The following THBS3 variants were observed in gnomAD, a reference collection of about 807,000 sequenced individuals.
THBS3 encodes the protein thrombospondin 3.
Under a neutral mutation model 118.3 loss-of-function variants are expected in THBS3, and 78 were observed. That is an observed-to-expected ratio of 0.66 (90% CI 0.55 to 0.80). The LOEUF (loss-of-function observed/expected upper bound fraction) is 0.80. THBS3 is among the 30% of genes least tolerant of loss of function. The probability of loss-of-function intolerance (pLI) is 0.00; values close to 1 mark genes in which losing one functional copy is unlikely to be tolerated. For synonymous variants in THBS3, 427 were observed against 475.3 expected, an observed-to-expected ratio of 0.90 and a Z score of 1.32; for missense variants, 1,057 against 1,247.4, an observed-to-expected ratio of 0.85 and a Z score of 2.30.
At chr1:155,207,277 C>T (rs1258807362) in intron 1 of THBS3, among the ~76,000 whole-genome samples, 1 of 152,198 alleles carries the variant, frequency 6.6e-6, no homozygotes, top group Non-Finnish European at 1.5e-5. Flanking sequence ...TGTGTCCTGG[C>T]CAATCTGTGG....
chr1:155,198,167 C>G lies in THBS3; in HGVS notation c.2128G>C (p.Asp710His). 1.2e-6 allele frequency: 2 copies of G among 1,614,156 alleles called. No individual in the cohort carries two copies. The highest frequency in any genetic ancestry group is 1.1e-5 in the South Asian group (1 of 91,084). The change falls in exon 18 of 23, where the codon GAC becomes CAC. Residue 710 changes from aspartate to histidine, a missense_variant. Physicochemically the swap from Asp to His is moderately conservative, Grantham distance 81. This residue lies in a region of THBS3 where 307 missense variants were observed against 326.1 expected (regional missense o/e 0.94). Coordinates refer to ENST00000368378, the MANE Select transcript of THBS3 (RefSeq NM_007112.5). ...CTTTCAGGACACACATCCAGGGGGT[C>G]GACCACAGCATCATTGTCAAAGTCA... ...EDDFDNDAVV[D>H]PLDVCPESAE...
In THBS3 at chr1:155,195,625, A is replaced by C; in HGVS notation, c.*216T>G. 1.8e-6 allele frequency: 1 copy of C among 551,156 alleles called. No individual in the cohort carries two copies. The highest frequency in any genetic ancestry group is 3.3e-6 in the Non-Finnish European group (1 of 306,300). 34.1% of individuals were successfully genotyped at this position (551,156 alleles called of 1,614,324 possible). A position where few individuals can be genotyped will look rare whatever the true frequency, so the allele number is the denominator to read the frequency against. On this transcript the variant is annotated 3_prime_UTR_variant, in exon 23 of 23. Transcript: ENST00000368378. ...CAAAACTTTATGGCAATGTGCTGTC[A>C]TCTTTCCTGGGGTTAGTGCCTGAGT...
chr1:155,197,077 C>G lies in THBS3; in HGVS notation c.2636G>C (p.Trp879Ser). Reference protein sequence around the residue: ...VGWRDKTSYRWQLLHRPQVGY... With the variant: ...VGWRDKTSYRSQLLHRPQVGY... ...AACTTGAGGCCGGTGCAGAAGCTGC[C>G]AGCGATAGGAGGTCTTGTCCCGCCA... The change falls in exon 21 of 23, where the codon TGG (tryptophan) becomes TCG (serine). Residue 879 changes from tryptophan to serine, a missense_variant. Around this residue, in one of 3 missense-constraint regions of THBS3, gnomAD observed 307 missense variants for 326.1 expected, o/e 0.94. Coordinates refer to ENST00000368378, the MANE Select transcript of THBS3 (RefSeq NM_007112.5). This position sits in a 1 kb window ranked among gnomAD's most constrained non-coding sequence, Gnocchi z 5.0. 1 of 1,614,116 alleles carries G rather than the reference C, an allele frequency of 6.2e-7. No homozygotes were observed. The highest frequency in any genetic ancestry group is 8.5e-7 in the Non-Finnish European group (1 of 1,180,018).
chr1:155,196,962 G>C, intron 21 of THBS3, 79 bp downstream of exon 21: 1 of 1,427,664 alleles, frequency 7.0e-7, no homozygotes, highest in Non-Finnish European at 9.7e-7. Flanking sequence ...CCCATGGAGA[G>C]GTCACTGGTG....
At position 155,207,838 on chromosome 1, in the gene THBS3, G is replaced by A. The variant is rs1222197678; in HGVS notation, c.39C>T (p.Leu13=). ...TQELRGALAL[L]LLCFFTSASQ... ...TGGCAGATGTGAAAAAGCAAAGGAG[G>A]AGAAGAGCCAGGGCCCCCCGAAGTT... The change falls in exon 1 of 23, where the codon CTC becomes CTT. Residue 13 remains leucine, a synonymous_variant. Transcript: ENST00000368378. The A allele has an allele frequency of 1.2e-6, 2 of 1,613,942 alleles. No homozygotes were observed. The highest frequency in any genetic ancestry group is 1.7e-6 in the Non-Finnish European group (2 of 1,180,018).
At chr1:155,207,188 G>A (rs892697428) in intron 1 of THBS3, among the ~76,000 whole-genome samples, 6 of 152,210 alleles carry the variant, frequency 3.9e-5, no homozygotes, top group African/African-American at 1.4e-4. Flanking sequence ...GATAAGAACA[G>A]CTGCCCACTG....
At chr1:155,203,627 A>C in intron 4 of THBS3, 88 bp from the exon 5 acceptor site, 1 of 1,520,100 alleles carries the variant, frequency 6.6e-7, no homozygotes, top group Non-Finnish European at 9.0e-7. Context: ...AGGTGAGGAC[A>C]GGGACAGGGC....
upstream of THBS3, among the ~76,000 whole-genome samples, chr1:155,208,163 G>A (rs999441861): frequency 6.6e-6 from 1 of 152,098 alleles, no homozygotes. Flanking sequence ...TGGGGGTCTC[G>A]GCACACAGCG....
In THBS3 at chr1:155,197,606, C is replaced by CT. The variant is rs1668893449; in HGVS notation, c.2355dup (p.Val786SerfsTer3). 2.1e-6 allele frequency: 3 copies of CT among 1,434,482 alleles called. No homozygotes were observed. In the South Asian group the frequency reaches 3.4e-5, roughly 16 times the overall value. The allele number at this position is 1,434,482 out of a possible 1,614,324, so 88.9% of individuals were successfully genotyped here. A position where few individuals can be genotyped will look rare whatever the true frequency, so the allele number is the denominator to read the frequency against. On this transcript the variant is annotated frameshift_variant, in exon 20 of 23. Transcript: ENST00000368378. LOFTEE classifies it high-confidence loss of function. The surrounding 1 kb of genome is among the most constrained non-coding windows in gnomAD (Gnocchi z 5.0). ...AAGCCTGCGTAGTCATCATCAGTCA[C>CT]TGTGTTCACATGGAAGGTGCCTTCA...
upstream of THBS3, chr1:155,208,788 A>T (rs1452403335): frequency 1.1e-5 from 16 of 1,508,142 alleles, no homozygotes; most frequent in Non-Finnish European, 1.8e-6. Context: ...CTCCAAACAT[A>T]ACGCGCTGTG....
At position 155,202,088 on chromosome 1, in the gene THBS3, C is replaced by T. The variant is rs1669834177; in HGVS notation, c.1099-54G>A. ...GACCTATGGTGGGTCTCCTCAGATA[C>T]AGCAGAGGACACTGGTATGGCCTTA... On this transcript the variant is annotated intron_variant, in intron 9 of 22. Transcript: ENST00000368378. This position sits in a 1 kb window ranked among gnomAD's most constrained non-coding sequence, Gnocchi z 5.5. 2 of 1,613,802 alleles carry T rather than the reference C, an allele frequency of 1.2e-6. No individual in the cohort carries two copies. Among genetic ancestry groups the T allele is most frequent in the East Asian group, 4.5e-5 (2 of 44,888 alleles).
chr1:155,203,408 T>G (rs1670086589), intron 5 of THBS3, 103 bp from the exon 6 acceptor site: 1 of 1,587,160 alleles, frequency 6.3e-7, no homozygotes, highest in Non-Finnish European at 8.6e-7. Flanking sequence ...CCCCTGCCTT[T>G]AAACCTACTA....
upstream of THBS3, chr1:155,208,745 T>G: frequency 2.1e-6 from 3 of 1,425,258 alleles, no homozygotes; most frequent in Non-Finnish European, 2.8e-6. Flanking sequence ...CGCCCCTGTT[T>G]TGTTTCCATG....
chr1:155,207,369 A>G (rs1041750440), intron 1 of THBS3, among the ~76,000 whole-genome samples: 3 of 151,828 alleles, frequency 2.0e-5, no homozygotes, highest in African/African-American at 7.3e-5. Context: ...CCATCCCACC[A>G]CCAGACCTCC....
chr1:155,203,176 C>T (rs1557871651), intron 6 of THBS3, 39 bp from the exon 7 acceptor site: 1 of 1,614,188 alleles, frequency 6.2e-7, no homozygotes, highest in Admixed American at 1.7e-5. Flanking sequence ...TTGACATCTG[C>T]CACCCTACCC....
At position 155,198,211 on chromosome 1, in the gene THBS3, A is replaced by G. The variant is rs1669015755; in HGVS notation, c.2084T>C (p.Val695Ala). 1.2e-6 allele frequency: 2 copies of G among 1,613,866 alleles called. No homozygotes were observed. The highest frequency in any genetic ancestry group is 1.7e-5 in the Admixed American group (1 of 60,000). ...AAAGTCATCCTCACACACATCACCAACGCCATTGCCTGGGCAGAGTGAGGC... is the reference window on the plus strand; with the variant it reads ...AAAGTCATCCTCACACACATCACCAGCGCCATTGCCTGGGCAGAGTGAGGC... The part of the protein sequence containing the change: ...PNQKDSDGNG[V>A]GDVCEDDFDN... The change falls in exon 18 of 23, where the codon GTT (valine) becomes GCT (alanine). Residue 695 changes from valine to alanine, a missense_variant. Val to Ala is a moderately conservative substitution (Grantham distance 64). Transcript: ENST00000368378.
Position 155,206,129 on chromosome 1 carries a change from T to G in THBS3, c.286+71A>C. On this transcript the variant is annotated intron_variant, in intron 2 of 22. Coordinates refer to ENST00000368378, the MANE Select transcript of THBS3 (RefSeq NM_007112.5). The surrounding 1 kb of genome is among the most constrained non-coding windows in gnomAD (Gnocchi z 4.2). ...GAGGCCAAGGAGAATGAGGAAGCAC[T>G]TGGGAAGTAGGGATGAGGGAGAGTG... is the stretch of plus-strand genomic sequence containing the variant. The G allele has an allele frequency of 6.4e-7, 1 of 1,562,132 alleles. No individual in the cohort carries two copies. The highest frequency in any genetic ancestry group is 2.3e-5 in the East Asian group (1 of 44,408).
At chr1:155,203,020 A>C (rs1571908967) in intron 7 of THBS3, 60 bp from the exon 8 acceptor site, 1 of 1,613,960 alleles carries the variant, frequency 6.2e-7, no homozygotes, top group East Asian at 2.2e-5. Flanking sequence ...CCAGAAGGGA[A>C]AGCCAAAGCC....
Position 155,198,148 on chromosome 1 carries a change from G to C in THBS3, c.2147C>G (p.Pro716Arg), listed in dbSNP as rs1669005949. Reference protein sequence around the residue: ...DAVVDPLDVCPESAEVTLTDF... With the variant: ...DAVVDPLDVCRESAEVTLTDF... ...CGTAAGCGTTACCTCTGCACTTTCA[G>C]GACACACATCCAGGGGGTCGACCAC... The change falls in exon 18 of 23, where the codon CCT becomes CGT. Residue 716 changes from proline (P) to arginine (R), a missense_variant. By Grantham distance (103) the Pro-to-Arg change is moderately radical. This residue lies in a region of THBS3 where 307 missense variants were observed against 326.1 expected (regional missense o/e 0.94). Transcript: ENST00000368378. The C allele has an allele frequency of 6.2e-7, 1 of 1,614,016 alleles. No individual in the cohort carries two copies. Among genetic ancestry groups the C allele is most frequent in the African/African-American group, 1.3e-5 (1 of 74,914 alleles).
Sources: allele counts gnomAD v4.1 joint callset (sites outside exome capture counted in the v4.1 genomes callset), GRCh38; gene constraint gnomAD v4.1.1; regional missense constraint gnomAD v4.1.1; non-coding constraint Gnocchi (gnomAD v3.1); transcripts MANE v1.5; gene names NCBI Gene and HGNC (gene_info 2026-07-23, HGNC 2026-07-21).